MARCHF3: variants seen among roughly 807,000 people sequenced by gnomAD.
MARCHF3 encodes membrane associated ring-CH-type finger 3, also known as E3 ubiquitin-protein ligase MARCHF3.
MARCHF3 carries 13 observed loss-of-function variants against 24.2 expected under a neutral mutation model. That is an observed-to-expected ratio of 0.54 (90% CI 0.35 to 0.85). The LOEUF (loss-of-function observed/expected upper bound fraction) is 0.85. Ranked by LOEUF, MARCHF3 falls within the 40% of genes least tolerant of loss-of-function variation. The probability of loss-of-function intolerance (pLI) is 0.01; values close to 1 mark genes in which losing one functional copy is unlikely to be tolerated. For missense variants in MARCHF3, 276 were observed against 325.0 expected, an observed-to-expected ratio of 0.85 and a Z score of 1.16; for synonymous variants, 144 against 137.3, an observed-to-expected ratio of 1.05 and a Z score of -0.34.
At chr5:126,969,929 C>G (rs9763686) in intron 1 of MARCHF3, among the ~76,000 whole-genome samples, 1 of 152,132 alleles carries the variant, frequency 6.6e-6, no homozygotes, top group East Asian at 1.9e-4. Flanking sequence ...ACCAAGCAAA[C>G]ATGAAGCTAG....
rs915229616 is a variant in MARCHF3 at position 126,974,313 on chromosome 5, T to C, written c.-57+56037A>G. On this transcript the variant is annotated intron_variant, in intron 1 of 4. Coordinates refer to ENST00000308660, the MANE Select transcript of MARCHF3 (RefSeq NM_178450.5). ...TGATGGTCCAGGCTCCTGGCCCCCA[T>C]CCTTTCCTGTCAAGGCTACACCTAA... Among the ~76,000 whole-genome samples the C allele has an allele frequency of 2.6e-5, 4 of 152,256 alleles. No homozygotes were observed. The East Asian group carries it at 7.7e-4, about 29-fold the overall frequency.
rs889288060 is a variant in MARCHF3 at position 126,984,745 on chromosome 5, A to G, written c.-57+45605T>C. 2.6e-5 allele frequency among the ~76,000 whole-genome samples: 4 copies of G among 152,258 alleles called. No homozygotes were observed. In the East Asian group the frequency reaches 7.7e-4, roughly 29 times the overall value. On this transcript the variant is annotated intron_variant, in intron 1 of 4. Transcript: ENST00000308660. Reference sequence around the variant, plus strand: ...ACTGGAGATTATGAACCCCAGGTCCAGAGGATACTCCTATGCACTGAAGAA... The same window carrying G: ...ACTGGAGATTATGAACCCCAGGTCCGGAGGATACTCCTATGCACTGAAGAA...
At chr5:126,943,827 T>G (rs900425901) in intron 1 of MARCHF3, among the ~76,000 whole-genome samples, 1 of 152,004 alleles carries the variant, frequency 6.6e-6, no homozygotes, top group African/African-American at 2.4e-5. Context: ...TTTTTTTTTT[T>G]GGATACGGAG....
At chr5:126,914,767 A>ACACACACACAC (rs1754658481) in intron 3 of MARCHF3, 163 bp downstream of exon 3, 95 of 484,392 alleles carry the variant, frequency 2.0e-4, no homozygotes, top group Admixed American at 2.4e-4. Flanking sequence ...CTCTTTCTCA[A>ACACACACACAC]ACACACACAC....
intron 1 of MARCHF3, among the ~76,000 whole-genome samples, chr5:127,007,517 G>C (rs991004652): frequency 1.3e-5 from 2 of 152,030 alleles, no homozygotes; most frequent in Non-Finnish European, 1.5e-5. Flanking sequence ...TCAAGGCCAA[G>C]TATACACTTC....
intron 1 of MARCHF3, among the ~76,000 whole-genome samples, chr5:127,012,919 C>A (rs754515954): frequency 6.6e-6 from 1 of 152,194 alleles, no homozygotes; most frequent in Non-Finnish European, 1.5e-5. Context: ...GAGTTCAACA[C>A]TCTCATAAGA....
At chr5:126,914,047 G>A (rs1458436653) in intron 3 of MARCHF3, among the ~76,000 whole-genome samples, 5 of 145,652 alleles carry the variant, frequency 3.4e-5, no homozygotes, top group Non-Finnish European at 7.4e-5. Flanking sequence ...GCAGTGGTGC[G>A]ATCTGGGCTC....
At chr5:126,887,655 G>A (rs1753550132) in intron 3 of MARCHF3, among the ~76,000 whole-genome samples, 2 of 152,180 alleles carry the variant, frequency 1.3e-5, no homozygotes, top group African/African-American at 4.8e-5. Context: ...CTGGTACCCA[G>A]CTCCTTTGAG....
chr5:126,872,381 C>T (rs1753005140), intron 4 of MARCHF3, among the ~76,000 whole-genome samples: 1 of 152,030 alleles, frequency 6.6e-6, no homozygotes, highest in African/African-American at 2.4e-5. Flanking sequence ...TTTTTATGTA[C>T]ATATATTGGA....
At chr5:127,016,503 G>GA (rs1465487592) in intron 1 of MARCHF3, among the ~76,000 whole-genome samples, 3 of 152,172 alleles carry the variant, frequency 2.0e-5, no homozygotes, top group Non-Finnish European at 2.9e-5. Context: ...ACAGACACAT[G>GA]AAAAAATGTT....
intron 3 of MARCHF3, among the ~76,000 whole-genome samples, chr5:126,885,959 T>A (rs371011491): frequency 6.6e-5 from 10 of 151,560 alleles, no homozygotes; most frequent in African/African-American, 2.4e-4. Flanking sequence ...TTATTCAAGA[T>A]CCCTTGTGCT....
intron 3 of MARCHF3, among the ~76,000 whole-genome samples, chr5:126,890,294 TTTA>T (rs1753640387): frequency 6.6e-6 from 1 of 152,054 alleles, no homozygotes; most frequent in Non-Finnish European, 1.5e-5. Flanking sequence ...TGTTTTCTTT[TTTA>T]TTATTATACT....
At chr5:126,970,156 G>A (rs1750957412) in intron 1 of MARCHF3, among the ~76,000 whole-genome samples, 1 of 151,306 alleles carries the variant, frequency 6.6e-6, no homozygotes, top group Middle Eastern at 3.4e-3. Flanking sequence ...GGGGCAATAT[G>A]AGCTCACTGC....
chr5:127,006,845 G>A (rs183551910), intron 1 of MARCHF3, among the ~76,000 whole-genome samples: 125 of 152,174 alleles, frequency 8.2e-4, no homozygotes, highest in Non-Finnish European at 1.5e-3. Flanking sequence ...GTAACGTCCC[G>A]CAGCCTTTTG....
At chr5:126,978,864 G>C (rs1751293530) in intron 1 of MARCHF3, among the ~76,000 whole-genome samples, 1 of 152,158 alleles carries the variant, frequency 6.6e-6, no homozygotes. Flanking sequence ...CAGATCCCTG[G>C]AATGTTATGC....
At position 126,887,449 on chromosome 5, in the gene MARCHF3, G is replaced by A. The variant is rs571299191; in HGVS notation, c.394-9055C>T. 1.3e-4 allele frequency among the ~76,000 whole-genome samples: 20 copies of A among 152,258 alleles called. 2 individuals carry two copies. In the East Asian group the frequency reaches 3.9e-3, roughly 29 times the overall value. ...ATCATTATTTTAATGTTAGTTATTA[G>A]ATCTGCTACAAAAGTGCTAAAGAAT... On this transcript the variant is annotated intron_variant, in intron 3 of 4. Coordinates refer to ENST00000308660, the MANE Select transcript of MARCHF3 (RefSeq NM_178450.5).
intron 1 of MARCHF3, among the ~76,000 whole-genome samples, chr5:127,029,037 G>A (rs1054425692): frequency 6.6e-6 from 1 of 152,150 alleles, no homozygotes; most frequent in Non-Finnish European, 1.5e-5. Context: ...TGAACTGAAC[G>A]CTCGTAAAGT....
intron 4 of MARCHF3, among the ~76,000 whole-genome samples, chr5:126,872,446 T>A (rs1321917121): frequency 6.6e-6 from 1 of 152,136 alleles, no homozygotes; most frequent in Non-Finnish European, 1.5e-5. Context: ...AAAACATTGA[T>A]GGACCGTCCA....
intron 1 of MARCHF3, among the ~76,000 whole-genome samples, chr5:126,938,092 C>T (rs564897157): frequency 2.2e-4 from 34 of 151,796 alleles, no homozygotes; most frequent in African/African-American, 7.7e-4. Flanking sequence ...ATGAGCACCT[C>T]GGATTTTTGC....
Sources: gnomAD v4.1 joint callset for allele counts (sites outside exome capture counted in the v4.1 genomes callset) on GRCh38, gnomAD v4.1.1 for gene constraint, MANE v1.5 for transcripts, NCBI Gene and HGNC (gene_info 2026-07-23, HGNC 2026-07-21) for gene names.